Variants in EMILIN2 observed in about 807,000 individuals in gnomAD.
EMILIN2 encodes EMILIN-2.
In EMILIN2, 71 loss-of-function variants were observed where a neutral mutation model predicts 87.1. The ratio of observed to expected loss-of-function variants is 0.82; its 90% CI spans 0.67 to 0.99. The LOEUF (loss-of-function observed/expected upper bound fraction) is 0.99. Among genes scored for constraint, EMILIN2 ranks in the 50% least tolerant of loss-of-function variants. The pLI, the probability that EMILIN2 is intolerant of heterozygous loss-of-function variation, is 0.00. For missense variants in EMILIN2, 1,407 were observed against 1,371.8 expected (o/e 1.03, Z -0.40); for synonymous variants, 581 against 563.4 (o/e 1.03, Z -0.44).
intron 2 of EMILIN2, among the ~76,000 whole-genome samples, chr18:2,857,124 A>T (rs1313085292): frequency 1.3e-5 from 2 of 152,202 alleles, no homozygotes; most frequent in African/African-American, 4.8e-5. Context: ...ATATTAGAAG[A>T]TGAGGGAATA....
chr18:2,901,457 A>G (rs2076887897), intron 4 of EMILIN2, among the ~76,000 whole-genome samples: 1 of 152,192 alleles, frequency 6.6e-6, no homozygotes, highest in Non-Finnish European at 1.5e-5. Context: ...ATAAAAGTTG[A>G]AATTGATGTT....
Position 2,913,635 on chromosome 18 carries a change from C to CTTTTTTTTTT in EMILIN2, c.*231_*232insTTTTTTTTTT. ...TGACTTTTCTGCCACTCTAACTGGA[C>CTTTTTTTTTT]AACTGGAAGACTTGGAAAGGCCTCC... On this transcript the variant is annotated 3_prime_UTR_variant, in exon 8 of 8. Transcript: ENST00000254528. The CTTTTTTTTTT allele has an allele frequency of 2.8e-5, 14 of 508,632 alleles. No homozygotes were observed. Among genetic ancestry groups the CTTTTTTTTTT allele is most frequent in the African/African-American group, 1.2e-4 (6 of 51,008 alleles). The allele number at this position is 508,632 out of a possible 1,614,324, so 31.5% of individuals were successfully genotyped here. A position where few individuals can be genotyped will look rare whatever the true frequency, so the allele number is the denominator to read the frequency against.
chr18:2,856,436 G>C (rs1029645887), intron 2 of EMILIN2, among the ~76,000 whole-genome samples: 28 of 152,254 alleles, frequency 1.8e-4, no homozygotes, highest in Middle Eastern at 3.4e-3. Flanking sequence ...ATGTTGCTGT[G>C]AGTGGTGGTA....
intron 2 of EMILIN2, among the ~76,000 whole-genome samples, chr18:2,884,373 G>A (rs1363473169): frequency 1.3e-5 from 2 of 152,128 alleles, no homozygotes; most frequent in African/African-American, 4.8e-5. Context: ...TGCCTCAGCG[G>A]TAGCTGGGAC....
intron 2 of EMILIN2, among the ~76,000 whole-genome samples, chr18:2,853,550 C>T (rs1207197905): frequency 1.3e-5 from 2 of 152,166 alleles, no homozygotes; most frequent in Non-Finnish European, 2.9e-5. Context: ...TAAAGTGCAT[C>T]GTGAGAATGT....
chr18:2,909,729 C>T lies in EMILIN2; in HGVS notation c.2734C>T (p.Leu912Phe). The T allele has an allele frequency of 6.2e-7, 1 of 1,614,028 alleles. No individual in the cohort carries two copies. The highest frequency in any genetic ancestry group is 8.5e-7 in the Non-Finnish European group (1 of 1,179,956). The change falls in exon 7 of 8, where the codon CTC becomes TTC. Residue 912 changes from leucine to phenylalanine, a missense_variant. Transcript: ENST00000254528. ...TTCTCTGGTGTCTTTTTCTGCGGGG[C>T]TCACCCAGAAGCCTTTCCCCAGTGA... ...VPSLVSFSAG[L>F]TQKPFPSDGG...
intron 3 of EMILIN2, among the ~76,000 whole-genome samples, chr18:2,888,265 A>T (rs774993272): frequency 1.3e-5 from 2 of 152,168 alleles, no homozygotes; most frequent in Non-Finnish European, 2.9e-5. Flanking sequence ...CCTTTGAAAA[A>T]AATGCAATTT....
At chr18:2,892,554 T>C in intron 4 of EMILIN2, 68 bp downstream of exon 4, 1 of 1,499,070 alleles carries the variant, frequency 6.7e-7, no homozygotes, top group Non-Finnish European at 8.8e-7. Context: ...TTAAAAATAA[T>C]TTTTTGTTCA....
rs1598498831 is a variant in EMILIN2 at position 2,890,451 on chromosome 18, C to T, written c.434-110C>T. The stretch of plus-strand genomic sequence containing the variant: ...TACTTACCTACAATTGTGTAGTGAC[C>T]TGTAAGTGAAGATGTACATGTATTT... On this transcript the variant is annotated intron_variant, in intron 3 of 7. Transcript: ENST00000254528. The surrounding 1 kb of genome is among the most constrained non-coding windows in gnomAD (Gnocchi z 4.7). 3 of 1,306,860 alleles carry T rather than the reference C, an allele frequency of 2.3e-6. No individual in the cohort carries two copies. The East Asian group carries it at 7.1e-5, about 31-fold the overall frequency. The allele number at this position is 1,306,860 out of a possible 1,614,324, so 81.0% of individuals were successfully genotyped here.
chr18:2,853,900 G>A (rs1005757996), intron 2 of EMILIN2, among the ~76,000 whole-genome samples: 1 of 152,228 alleles, frequency 6.6e-6, no homozygotes. Flanking sequence ...CGTACGGCTG[G>A]TAGAAAACAG....
Position 2,890,833 on chromosome 18 carries a change from G to A in EMILIN2, c.706G>A (p.Asp236Asn), listed in dbSNP as rs781360194. 19 of 1,613,838 alleles carry A rather than the reference G, an allele frequency of 1.2e-5. No homozygotes were observed. In the East Asian group the frequency reaches 3.6e-4, roughly 30 times the overall value. Residue 236 changes from aspartate to asparagine, a missense_variant, in exon 4 of 8, where the codon GAC becomes AAC. Transcript: ENST00000254528. This position sits in a 1 kb window ranked among gnomAD's most constrained non-coding sequence, Gnocchi z 4.7. ...GCTCAGCAGCCAGCACCCCAAGCCT[G>A]ACACCACTGTTAGTGGAGACACAGA... is the stretch of plus-strand genomic sequence containing the variant. ...PGLSSQHPKP[D>N]TTVSGDTETG...
intron 2 of EMILIN2, among the ~76,000 whole-genome samples, chr18:2,863,565 T>C (rs941001374): frequency 2.6e-5 from 4 of 152,254 alleles, no homozygotes; most frequent in Non-Finnish European, 5.9e-5. Context: ...TCTAGTTTGA[T>C]TGCACTGTGG....
At chr18:2,856,598 T>C (rs953751930) in intron 2 of EMILIN2, among the ~76,000 whole-genome samples, 13 of 152,200 alleles carry the variant, frequency 8.5e-5, no homozygotes, top group Admixed American at 2.0e-4. Flanking sequence ...CATCCAACAG[T>C]TACACAGAAC....
At chr18:2,909,876 A>AC (rs1217334504) in intron 7 of EMILIN2, 57 bp downstream of exon 7, 3 of 1,580,728 alleles carry the variant, frequency 1.9e-6, no homozygotes, top group Admixed American at 2.0e-5. Flanking sequence ...CGCAGGTGGG[A>AC]CCCCTCCCAC....
intron 2 of EMILIN2, among the ~76,000 whole-genome samples, chr18:2,883,507 GGAAAT>G (rs2076787748): frequency 6.6e-6 from 1 of 152,218 alleles, no homozygotes; most frequent in Non-Finnish European, 1.5e-5. Context: ...TTGCAAGGCA[GGAAAT>G]CACAATTGGG....
At chr18:2,863,642 A>G (rs2076672284) in intron 2 of EMILIN2, among the ~76,000 whole-genome samples, 1 of 152,028 alleles carries the variant, frequency 6.6e-6, no homozygotes, top group Non-Finnish European at 1.5e-5. Context: ...ACTTCCAACT[A>G]TGTGGTCAAT....
chr18:2,863,539 T>A (rs1286970101), intron 2 of EMILIN2, among the ~76,000 whole-genome samples: 2 of 138,728 alleles, frequency 1.4e-5, no homozygotes, highest in African/African-American at 2.5e-5. Flanking sequence ...TTTGAGTGAG[T>A]TTCTTAATCC....
chr18:2,871,074 A>G (rs1000015052), intron 2 of EMILIN2, among the ~76,000 whole-genome samples: 2 of 152,120 alleles, frequency 1.3e-5, no homozygotes, highest in African/African-American at 4.8e-5. Flanking sequence ...TAAAGACCCT[A>G]TCTCCAAATA....
rs1348683178 is a variant in EMILIN2, at chr18:2,848,586, C to G, written c.257+655C>G. On this transcript the variant is annotated intron_variant, in intron 2 of 7. Transcript: ENST00000254528. The surrounding 1 kb of genome is among the most constrained non-coding windows in gnomAD (Gnocchi z 4.1). ...TCATCTTTTTGCTTATAAAGATTTC[C>G]CCATCTTAAAAAAAAAAAAAAACAG... is the stretch of plus-strand genomic sequence containing the variant. Among the ~76,000 whole-genome samples, 1 of 132,370 alleles carries G rather than the reference C, an allele frequency of 7.6e-6. No individual in the cohort carries two copies. Among genetic ancestry groups the G allele is most frequent in the Non-Finnish European group, 1.6e-5 (1 of 63,984 alleles). The allele number at this position is 132,370 out of a possible 152,430, so 86.8% of individuals were successfully genotyped here.
Sources: allele counts gnomAD v4.1 joint callset (sites outside exome capture counted in the v4.1 genomes callset), GRCh38; gene constraint gnomAD v4.1.1; non-coding constraint Gnocchi (gnomAD v3.1); transcripts MANE v1.5; gene names NCBI Gene and HGNC (gene_info 2026-07-23, HGNC 2026-07-21).